Variants in GPC6 observed in about 807,000 individuals in gnomAD.
GPC6 encodes glypican 6.
Under a neutral mutation model 55.2 loss-of-function variants are expected in GPC6, and 14 were observed. The observed-to-expected ratio is 0.25, with a 90% CI of 0.17 to 0.40. The LOEUF is 0.40. GPC6 is among the 10% of genes least tolerant of loss of function. GPC6 has a pLI of 1.00. For synonymous variants in GPC6, 278 were observed against 259.6 expected (o/e 1.07, Z -0.68); for missense variants, 641 against 708.5 (o/e 0.90, Z 1.08).
intron 3 of GPC6, among the ~76,000 whole-genome samples, chr13:93,885,033 A>C (rs1166362775): frequency 6.6e-6 from 1 of 152,096 alleles, no homozygotes; most frequent in Non-Finnish European, 1.5e-5. Context: ...CTATTCTATC[A>C]GGCTAAATGT....
At chr13:93,678,586 G>T (rs1020715473) in intron 2 of GPC6, among the ~76,000 whole-genome samples, 1 of 152,126 alleles carries the variant, frequency 6.6e-6, no homozygotes, top group Non-Finnish European at 1.5e-5. Context: ...GCAATATAAA[G>T]TAGAGACCAC....
At chr13:93,323,238 C>T (rs1451108211) in intron 1 of GPC6, among the ~76,000 whole-genome samples, 4 of 152,038 alleles carry the variant, frequency 2.6e-5, no homozygotes, top group Admixed American at 2.0e-4. Context: ...TTGTGATGCT[C>T]ACCATTATAT....
chr13:93,750,811 T>A (rs528689614), intron 2 of GPC6, among the ~76,000 whole-genome samples: 3 of 152,178 alleles, frequency 2.0e-5, no homozygotes, highest in Admixed American at 2.0e-4. Context: ...CTGCTTAGTA[T>A]GGTTTTAACT....
intron 2 of GPC6, among the ~76,000 whole-genome samples, chr13:93,737,620 A>G (rs1207060591): frequency 6.6e-6 from 1 of 152,124 alleles, no homozygotes; most frequent in African/African-American, 2.4e-5. Context: ...TTTTTTTACA[A>G]TAGAAGATGA....
chr13:93,496,671 TTGTC>T (rs1880305575), intron 1 of GPC6, among the ~76,000 whole-genome samples: 1 of 152,202 alleles, frequency 6.6e-6, no homozygotes, highest in Non-Finnish European at 1.5e-5. Flanking sequence ...TGGAGCCAGA[TTGTC>T]TGGCTCTGCC....
chr13:94,190,584 G>T (rs1434373760), intron 4 of GPC6, among the ~76,000 whole-genome samples: 1 of 152,168 alleles, frequency 6.6e-6, no homozygotes, highest in African/African-American at 2.4e-5. Flanking sequence ...TAAAGAAAAT[G>T]GTTGAAAGGA....
At chr13:93,667,630 G>A (rs1472420979) in intron 2 of GPC6, among the ~76,000 whole-genome samples, 2 of 151,466 alleles carry the variant, frequency 1.3e-5, no homozygotes, top group Admixed American at 6.6e-5. Flanking sequence ...ACAGGATTTC[G>A]CCACGTTAGC....
chr13:93,682,538 G>C (rs1170664741), intron 2 of GPC6, among the ~76,000 whole-genome samples: 2 of 152,082 alleles, frequency 1.3e-5, no homozygotes, highest in African/African-American at 4.8e-5. Flanking sequence ...GCATTCCACA[G>C]CATCCTCTGC....
At position 94,286,579 on chromosome 13, in the gene GPC6, C is replaced by A. The variant is rs1363300284; in HGVS notation, c.1008+100C>A. The A allele has an allele frequency of 6.7e-6, 7 of 1,042,496 alleles. No homozygotes were observed. In the African/African-American group the frequency reaches 9.5e-5, roughly 14 times the overall value. The allele number at this position is 1,042,496 out of a possible 1,614,324, so 64.6% of individuals were successfully genotyped here. On this transcript the variant is annotated intron_variant, in intron 5 of 8. Coordinates refer to ENST00000377047, the MANE Select transcript of GPC6 (RefSeq NM_005708.5). The stretch of plus-strand genomic sequence containing the variant: ...GATATGTCGGCTGGGCTTATAAATT[C>A]TAATATGCTGTCAGCGAGCTTTTCC...
At chr13:94,053,707 C>G (rs1363114992) in intron 4 of GPC6, among the ~76,000 whole-genome samples, 1 of 151,984 alleles carries the variant, frequency 6.6e-6, no homozygotes, top group South Asian at 2.1e-4. Context: ...CTGTAAACAC[C>G]CATTTTCTGG....
At chr13:93,320,707 T>A (rs1460470008) in intron 1 of GPC6, among the ~76,000 whole-genome samples, 1 of 152,076 alleles carries the variant, frequency 6.6e-6, no homozygotes, top group African/African-American at 2.4e-5. Context: ...TTTGGGGCTA[T>A]AGCCACAGAA....
intron 4 of GPC6, among the ~76,000 whole-genome samples, chr13:94,054,412 G>C (rs948089422): frequency 6.6e-6 from 1 of 152,124 alleles, no homozygotes; most frequent in Non-Finnish European, 1.5e-5. Flanking sequence ...ACAAAGCGCT[G>C]TGCTCCGCTG....
intron 2 of GPC6, among the ~76,000 whole-genome samples, chr13:93,803,474 C>T (rs1330459): frequency 0.23 from 35,421 of 152,034 alleles, 4,648 homozygotes; most frequent in East Asian, 0.35. Context: ...AGCCCTTATA[C>T]ATTGCTGGTG....
At chr13:94,363,791 C>T (rs142099857) in intron 6 of GPC6, among the ~76,000 whole-genome samples, 100 of 152,296 alleles carry the variant, frequency 6.6e-4, no homozygotes, top group African/African-American at 2.3e-3. Context: ...AAACCTGTGC[C>T]ATCTAACATG....
Position 93,857,427 on chromosome 13 carries a change from T to C in GPC6, c.711+26882T>C, listed in dbSNP as rs1048590004. On this transcript the variant is annotated intron_variant, in intron 3 of 8. Coordinates refer to ENST00000377047, the MANE Select transcript of GPC6 (RefSeq NM_005708.5). ...AATAATTTGATCAGGTCCTGTCTTG[T>C]TTAGAGAATAATAAAATGGTGCCTT... 5.3e-5 allele frequency among the ~76,000 whole-genome samples: 8 copies of C among 151,698 alleles called. No individual in the cohort carries two copies. The South Asian group carries it at 8.3e-4, about 16-fold the overall frequency.
intron 2 of GPC6, among the ~76,000 whole-genome samples, chr13:93,660,488 A>C (rs1306190973): frequency 6.6e-6 from 1 of 152,204 alleles, no homozygotes; most frequent in African/African-American, 2.4e-5. Context: ...AAACACTTGC[A>C]GAAAATTAAG....
intron 2 of GPC6, among the ~76,000 whole-genome samples, chr13:93,739,935 A>G (rs911297634): frequency 1.3e-5 from 2 of 152,200 alleles, no homozygotes; most frequent in African/African-American, 4.8e-5. Context: ...AAGAAAAAAT[A>G]AAATGAGGAA....
Position 94,407,333 on chromosome 13 carries a change from G to C in GPC6, c.*4116G>C, listed in dbSNP as rs780016438. Reference sequence around the variant, plus strand: ...GTCAAATGAATATTATTTGGGTTAAGATTTTTCATTTCTGATTTGGATAGA... The same window carrying C: ...GTCAAATGAATATTATTTGGGTTAACATTTTTCATTTCTGATTTGGATAGA... On this transcript the variant is annotated 3_prime_UTR_variant, in exon 9 of 9. Transcript: ENST00000377047. 1 of 152,014 alleles carries C rather than the reference G, an allele frequency of 6.6e-6. No individual in the cohort carries two copies. Among genetic ancestry groups the C allele is most frequent in the Non-Finnish European group, 1.5e-5 (1 of 67,948 alleles). The allele number at this position is 152,014 out of a possible 1,614,324, so 9.4% of individuals were successfully genotyped here.
At chr13:93,430,089 G>A (rs1877301876) in intron 1 of GPC6, among the ~76,000 whole-genome samples, 1 of 152,128 alleles carries the variant, frequency 6.6e-6, no homozygotes, top group African/African-American at 2.4e-5. Context: ...TACTTAGACT[G>A]TATGGGAGTG....
Sources: allele counts gnomAD v4.1 joint callset (sites outside exome capture counted in the v4.1 genomes callset), GRCh38; gene constraint gnomAD v4.1.1; transcripts MANE v1.5; gene names NCBI Gene and HGNC (gene_info 2026-07-23, HGNC 2026-07-21).